Variants in PPM1B observed in about 807,000 individuals in gnomAD.
PPM1B encodes protein phosphatase, Mg2+/Mn2+ dependent 1B, also known as protein phosphatase 1B.
PPM1B carries 22 observed loss-of-function variants against 43.0 expected under a neutral mutation model. The ratio of observed to expected loss-of-function variants is 0.51; its 90% confidence interval spans 0.37 to 0.73. PPM1B has a LOEUF of 0.73. Among genes scored for constraint, PPM1B ranks in the 30% least tolerant of loss-of-function variants. The pLI is 0.00. For synonymous variants in PPM1B, 217 were observed against 197.9 expected, an observed-to-expected ratio of 1.10 and a Z score of -0.81; for missense variants, 632 against 584.2, an observed-to-expected ratio of 1.08 and a Z score of -0.84.
downstream of PPM1B, chr2:44,232,427 GA>G: frequency 1.3e-6 from 2 of 1,579,512 alleles, no homozygotes; most frequent in African/African-American, 1.4e-5. Flanking sequence ...AATACAAGGG[GA>G]AAATATTCTT....
chr2:44,197,389 G>A (rs1368283322), intron 1 of PPM1B, among the ~76,000 whole-genome samples: 2 of 152,184 alleles, frequency 1.3e-5, no homozygotes, highest in Non-Finnish European at 2.9e-5. Context: ...AAAGTGTTGA[G>A]ATTACAGGCA....
chr2:44,194,898 C>CTTTTTTTTTTTT (rs796213050), intron 1 of PPM1B, among the ~76,000 whole-genome samples: 1 of 123,260 alleles, frequency 8.1e-6, no homozygotes, highest in Non-Finnish European at 1.7e-5. Context: ...CAGTCTTTTG[C>CTTTTTTTTTTTT]TTTTTTTTTT....
At chr2:44,173,415 T>G (rs945539107) in intron 1 of PPM1B, among the ~76,000 whole-genome samples, 2 of 152,204 alleles carry the variant, frequency 1.3e-5, no homozygotes, top group East Asian at 1.9e-4. Flanking sequence ...TTTTTTCATT[T>G]CTTTTTTGCC....
At chr2:44,226,250 C>T (rs1670203819) in intron 5 of PPM1B, among the ~76,000 whole-genome samples, 1 of 152,122 alleles carries the variant, frequency 6.6e-6, no homozygotes, top group African/African-American at 2.4e-5. Context: ...GCTGGGATTA[C>T]AGACCTGAGC....
intron 5 of PPM1B, among the ~76,000 whole-genome samples, chr2:44,228,306 G>C (rs748064116): frequency 1.3e-4 from 19 of 149,014 alleles, no homozygotes; most frequent in Non-Finnish European, 2.4e-4. Flanking sequence ...TCTCGCCTCA[G>C]TTCCCCAAGT....
At chr2:44,175,627 G>A (rs968523786) in intron 1 of PPM1B, among the ~76,000 whole-genome samples, 1 of 152,150 alleles carries the variant, frequency 6.6e-6, no homozygotes, top group Non-Finnish European at 1.5e-5. Flanking sequence ...AAGATTTGGG[G>A]TGTGTGTGTT....
rs35330548 is a variant in PPM1B at position 44,177,418 on chromosome 2, C to CTTTTT, written c.-15+8157_-15+8161dup. Among the ~76,000 whole-genome samples the CTTTTT allele has an allele frequency of 9.9e-4, 121 of 122,532 alleles. 5 individuals are homozygous for CTTTTT. The highest frequency in any genetic ancestry group is 3.8e-3 in the East Asian group (16 of 4,248). The allele number at this position is 122,532 out of a possible 152,430, so 80.4% of individuals were successfully genotyped here. ...AATTGCAATGTGAAAGTGAAATAACCTTTTTTTTTTTTTTTTTGAGACGGA... is the reference window on the plus strand; with the variant it reads ...AATTGCAATGTGAAAGTGAAATAACCTTTTTTTTTTTTTTTTTTTTTTGAGACGGA... On this transcript the variant is annotated intron_variant, in intron 1 of 5. Transcript: ENST00000282412.
chr2:44,209,396 T>C, intron 3 of PPM1B, 69 bp downstream of exon 3: 1 of 1,522,958 alleles, frequency 6.6e-7, no homozygotes, highest in Non-Finnish European at 8.9e-7. Flanking sequence ...ATCCTAGCAC[T>C]TTTGTCGCCT....
At chr2:44,181,726 C>T (rs7584488) in intron 1 of PPM1B, among the ~76,000 whole-genome samples, 4,384 of 152,174 alleles carry the variant, frequency 0.029, 215 homozygotes, top group African/African-American at 0.099. Context: ...GGCTTGGGTG[C>T]AGAGATGAAG....
intron 1 of PPM1B, among the ~76,000 whole-genome samples, chr2:44,198,550 T>C (rs892473196): frequency 3.3e-5 from 5 of 152,224 alleles, no homozygotes; most frequent in Non-Finnish European, 7.3e-5. Context: ...AAGTTAATGT[T>C]TGTGAAGCAT....
At chr2:44,182,360 A>G (rs1041205071) in intron 1 of PPM1B, among the ~76,000 whole-genome samples, 1 of 152,060 alleles carries the variant, frequency 6.6e-6, no homozygotes, top group African/African-American at 2.4e-5. Context: ...CCTGGGTTCA[A>G]GTGATTCTCC....
chr2:44,182,124 G>A (rs549077588), intron 1 of PPM1B, among the ~76,000 whole-genome samples: 1 of 152,162 alleles, frequency 6.6e-6, no homozygotes, highest in African/African-American at 2.4e-5. Context: ...GGACATCAGT[G>A]TTTGAGCTGT....
chr2:44,174,388 A>G (rs1339872071), intron 1 of PPM1B, among the ~76,000 whole-genome samples: 1 of 152,210 alleles, frequency 6.6e-6, no homozygotes, highest in Non-Finnish European at 1.5e-5. Context: ...TAGAGATGGT[A>G]CCAATTACTG....
At chr2:44,220,274 A>G (rs1669916055) in intron 5 of PPM1B, among the ~76,000 whole-genome samples, 1 of 151,368 alleles carries the variant, frequency 6.6e-6, no homozygotes, top group African/African-American at 2.4e-5. Context: ...ATATATATAT[A>G]TATATATACC....
At chr2:44,185,142 A>G (rs769349367) in intron 1 of PPM1B, among the ~76,000 whole-genome samples, 3 of 151,996 alleles carry the variant, frequency 2.0e-5, no homozygotes, top group Admixed American at 6.6e-5. Flanking sequence ...TTTCATTTAA[A>G]TGGAATCATA....
At chr2:44,211,456 C>T (rs942077262) in intron 3 of PPM1B, among the ~76,000 whole-genome samples, 1 of 152,098 alleles carries the variant, frequency 6.6e-6, no homozygotes, top group Admixed American at 6.5e-5. Context: ...ATTCTAGATT[C>T]TTCTCAGTGC....
At chr2:44,241,228 C>G (rs182795443) in intron 5 of PPM1B, among the ~76,000 whole-genome samples, 1 of 141,798 alleles carries the variant, frequency 7.1e-6, no homozygotes, top group Admixed American at 7.0e-5. Context: ...GTCTCGAACT[C>G]CCGACCTCAG....
chr2:44,206,440 C>G (rs1669191640), intron 2 of PPM1B, among the ~76,000 whole-genome samples: 1 of 152,204 alleles, frequency 6.6e-6, no homozygotes, highest in Admixed American at 6.5e-5. Context: ...AGCAACATCA[C>G]TGAAATCACA....
chr2:44,228,400 C>G (rs1242784254), intron 5 of PPM1B, among the ~76,000 whole-genome samples: 1 of 152,030 alleles, frequency 6.6e-6, no homozygotes, highest in African/African-American at 2.4e-5. Flanking sequence ...CCTAGAACTC[C>G]TGACCTCAAG....
Sources: gnomAD v4.1 joint callset for allele counts (sites outside exome capture counted in the v4.1 genomes callset) on GRCh38, gnomAD v4.1.1 for gene constraint, MANE v1.5 for transcripts, NCBI Gene and HGNC (gene_info 2026-07-23, HGNC 2026-07-21) for gene names.